The following APPBP2 variants were observed in gnomAD, a reference collection of about 807,000 sequenced individuals.
APPBP2 encodes amyloid beta precursor protein binding protein 2, also known as amyloid protein-binding protein 2.
In APPBP2, 15 loss-of-function variants were observed where a neutral mutation model predicts 76.0. The observed-to-expected ratio is 0.20, with a 90% CI of 0.13 to 0.30. APPBP2 has a LOEUF of 0.30. APPBP2 is among the 10% of genes least tolerant of loss of function. APPBP2 has a pLI of 1.00. For synonymous variants in APPBP2, 222 were observed against 242.2 expected, an observed-to-expected ratio of 0.92 and a Z score of 0.77; for missense variants, 401 against 687.2, an observed-to-expected ratio of 0.58 and a Z score of 4.66.
At chr17:60,472,080 G>C (rs111662301) in intron 4 of APPBP2, among the ~76,000 whole-genome samples, 12,505 of 152,062 alleles carry the variant, frequency 0.082, 1,705 homozygotes, top group African/African-American at 0.28. Context: ...GAGCCAAGAT[G>C]GTGCCACTGC....
At chr17:60,451,073 A>G (rs2090391509) in intron 12 of APPBP2, among the ~76,000 whole-genome samples, 1 of 152,250 alleles carries the variant, frequency 6.6e-6, no homozygotes, top group Admixed American at 6.5e-5. Context: ...ATGTTCATTA[A>G]TAGTGGAATG....
intron 1 of APPBP2, among the ~76,000 whole-genome samples, chr17:60,518,530 AAG>A (rs915205781): frequency 3.7e-5 from 5 of 133,860 alleles, no homozygotes; most frequent in Non-Finnish European, 5.9e-5. Flanking sequence ...GTGTGTGTGA[AAG>A]AGAGAGAGAC....
intron 5 of APPBP2, among the ~76,000 whole-genome samples, chr17:60,464,570 A>AT (rs2090497575): frequency 6.6e-6 from 1 of 152,196 alleles, no homozygotes; most frequent in Non-Finnish European, 1.5e-5. Flanking sequence ...TGTCCAAAGT[A>AT]TTTTATGTGC....
At chr17:60,513,546 A>G in intron 1 of APPBP2, 1 of 486,348 alleles carries the variant, frequency 2.1e-6, no homozygotes, top group Non-Finnish European at 3.8e-6. Context: ...AGATAGATCC[A>G]CCAAAATCAA....
At chr17:60,482,568 A>ATT (rs2090638520) in intron 3 of APPBP2, among the ~76,000 whole-genome samples, 2 of 152,114 alleles carry the variant, frequency 1.3e-5, no homozygotes, top group African/African-American at 2.4e-5. Context: ...ATTTCTCCTA[A>ATT]CGCTATCCCT....
At chr17:60,505,089 GAAAT>G (rs2090855568) in intron 1 of APPBP2, among the ~76,000 whole-genome samples, 1 of 152,100 alleles carries the variant, frequency 6.6e-6, no homozygotes, top group Admixed American at 6.6e-5. Context: ...ATAAAAATCT[GAAAT>G]AATACAATGC....
chr17:60,481,081 G>A (rs147721069), intron 3 of APPBP2, among the ~76,000 whole-genome samples: 199 of 152,146 alleles, frequency 1.3e-3, no homozygotes, highest in African/African-American at 4.0e-3. Context: ...CTAGACCCAC[G>A]GGCCCTCTTT....
chr17:60,504,092 G>A (rs187973093), intron 1 of APPBP2, among the ~76,000 whole-genome samples: 162 of 152,214 alleles, frequency 1.1e-3, no homozygotes, highest in African/African-American at 3.6e-3. Flanking sequence ...AGAGGAAACT[G>A]ATACTTTTTG....
Position 60,526,195 on chromosome 17 carries a change from C to G in APPBP2, c.-264G>C. 1 of 456,748 alleles carries G rather than the reference C, an allele frequency of 2.2e-6. No homozygotes were observed. Among genetic ancestry groups the G allele is most frequent in the South Asian group, 2.1e-5 (1 of 47,148 alleles). The allele number at this position is 456,748 out of a possible 1,614,324, so 28.3% of individuals were successfully genotyped here. A position where few individuals can be genotyped will look rare whatever the true frequency, so the allele number is the denominator to read the frequency against. On this transcript the variant is annotated 5_prime_UTR_variant, in exon 1 of 13. Transcript: ENST00000083182. Reference sequence around the variant, plus strand: ...TCACAATCCCGGTTCGAGAGGAACCCGGGTTCCGTCCCAGCGCTGATCTCT... The same window carrying G: ...TCACAATCCCGGTTCGAGAGGAACCGGGGTTCCGTCCCAGCGCTGATCTCT...
At chr17:60,493,365 A>C (rs1385279562) in intron 3 of APPBP2, among the ~76,000 whole-genome samples, 31 of 152,238 alleles carry the variant, frequency 2.0e-4, no homozygotes, top group Non-Finnish European at 2.9e-5. Flanking sequence ...AACTTTAATA[A>C]GAAATTGCCT....
intron 9 of APPBP2, among the ~76,000 whole-genome samples, chr17:60,456,964 C>T (rs1228936817): frequency 6.6e-6 from 1 of 151,884 alleles, no homozygotes; most frequent in East Asian, 1.9e-4. Context: ...GGTGAAACTC[C>T]ATCTCTACTA....
chr17:60,499,465 G>A (rs1211984824), intron 2 of APPBP2, among the ~76,000 whole-genome samples: 2 of 152,200 alleles, frequency 1.3e-5, no homozygotes, highest in Non-Finnish European at 2.9e-5. Context: ...CTTGAGCCCA[G>A]GAGTTCGAGG....
At position 60,500,471 on chromosome 17, in the gene APPBP2, C is replaced by T. The variant is rs760914598; in HGVS notation, c.155G>A (p.Arg52His). 4 of 1,607,490 alleles carry T rather than the reference C, an allele frequency of 2.5e-6. No homozygotes were observed. The highest frequency in any genetic ancestry group is 1.7e-5 in the Admixed American group (1 of 58,650). The change falls in exon 2 of 13, where the codon CGC (arginine) becomes CAC (histidine). Residue 52 changes from arginine to histidine, a missense_variant. Around this residue, in one of 5 missense-constraint regions of APPBP2, gnomAD observed 149 missense variants for 198.4 expected, o/e 0.75. Transcript: ENST00000083182. ...AAATTCACTGCCCAGTTGACATAAG[C>T]GTCCCTGTTGGTAAAGCTGAAATAA... ...DVYYKLYQQGRLCQLGSEFCE... is the reference protein window; with the variant it reads ...DVYYKLYQQGHLCQLGSEFCE...
chr17:60,464,483 C>A (rs1329635313), intron 5 of APPBP2, among the ~76,000 whole-genome samples: 4 of 152,182 alleles, frequency 2.6e-5, no homozygotes, highest in Admixed American at 1.3e-4. Flanking sequence ...CCTATACATT[C>A]CATCCTCCTA....
chr17:60,469,103 G>A lies in APPBP2; in HGVS notation c.504-2644C>T, dbSNP rs147159086. Among the ~76,000 whole-genome samples the A allele has an allele frequency of 4.0e-3, 608 of 151,954 alleles. 4 individuals are homozygous for A. Among genetic ancestry groups the A allele is most frequent in the African/African-American group, 0.013 (542 of 41,446 alleles). ...AGCACTTTGGGAGGCCGAGGTAGGC[G>A]GATCACGATGTCAGGAGATCGAGAC... On this transcript the variant is annotated intron_variant, in intron 4 of 12. Transcript: ENST00000083182.
chr17:60,500,549 A>AT, intron 1 of APPBP2, 62 bp from the exon 2 acceptor site: 2 of 1,139,660 alleles, frequency 1.8e-6, no homozygotes, highest in Non-Finnish European at 2.6e-6. Flanking sequence ...TACTTTAATC[A>AT]TATTTGATAA....
intron 4 of APPBP2, among the ~76,000 whole-genome samples, chr17:60,472,293 T>C (rs921039237): frequency 2.6e-5 from 4 of 152,242 alleles, no homozygotes; most frequent in African/African-American, 7.2e-5. Flanking sequence ...TCTTCAGTCC[T>C]GGACTTTGTT....
intron 1 of APPBP2, among the ~76,000 whole-genome samples, chr17:60,522,291 A>G (rs1228311439): frequency 1.3e-5 from 2 of 152,144 alleles, no homozygotes; most frequent in Non-Finnish European, 2.9e-5. Context: ...CTCCTAATTC[A>G]TGACAATCAT....
intron 3 of APPBP2, among the ~76,000 whole-genome samples, chr17:60,493,731 C>T (rs2090750794): frequency 6.6e-6 from 1 of 151,808 alleles, no homozygotes; most frequent in South Asian, 2.1e-4. Flanking sequence ...CCTCCACCTC[C>T]CAAGTTCAAG....
Sources: gnomAD v4.1 joint callset for allele counts (sites outside exome capture counted in the v4.1 genomes callset) on GRCh38, gnomAD v4.1.1 for gene constraint, gnomAD v4.1.1 regional missense constraint, MANE v1.5 for transcripts, NCBI Gene and HGNC (gene_info 2026-07-23, HGNC 2026-07-21) for gene names.